The following RNF220 variants were observed in gnomAD, a reference collection of about 807,000 sequenced individuals.
The protein encoded by RNF220 is ring finger protein 220.
A neutral mutation model predicts 67.1 loss-of-function variants in RNF220; 7 were observed. The observed-to-expected ratio is 0.10, with a 90% CI of 0.06 to 0.20. The LOEUF (loss-of-function observed/expected upper bound fraction) is 0.20, where lower values mean the gene tolerates loss of function less well. RNF220 is among the 10% of genes least tolerant of loss of function. The probability of loss-of-function intolerance (pLI) is 1.00; values close to 1 mark genes in which losing one functional copy is unlikely to be tolerated. For missense variants in RNF220, 565 were observed against 740.3 expected (o/e 0.76, Z 2.75); for synonymous variants, 270 against 283.2 (o/e 0.95, Z 0.47).
chr1:44,607,162 A>T lies in RNF220; in HGVS notation c.626-7003A>T, dbSNP rs548532002. Among the ~76,000 whole-genome samples, 61 of 152,290 alleles carry T rather than the reference A, an allele frequency of 4.0e-4. 1 individual carries two copies. The highest frequency in any genetic ancestry group is 1.4e-3 in the African/African-American group (59 of 41,556). On this transcript the variant is annotated intron_variant, in intron 2 of 14. Coordinates refer to ENST00000361799, the MANE Select transcript of RNF220 (RefSeq NM_018150.4). Reference sequence around the variant, plus strand: ...GCAAGCCGCCATCGTCTCTCCCCTGAGTTAGTGAGATAACCTCCTAAACAG... The same window carrying T: ...GCAAGCCGCCATCGTCTCTCCCCTGTGTTAGTGAGATAACCTCCTAAACAG...
At chr1:44,551,154 G>A (rs1162097718) in intron 2 of RNF220, among the ~76,000 whole-genome samples, 2 of 119,944 alleles carry the variant, frequency 1.7e-5, no homozygotes, top group East Asian at 5.0e-4. Flanking sequence ...GCGCTCTGTC[G>A]CCCAGGCTGG....
intron 2 of RNF220, among the ~76,000 whole-genome samples, chr1:44,570,710 G>T (rs1352896071): frequency 6.6e-6 from 1 of 152,160 alleles, no homozygotes; most frequent in Non-Finnish European, 1.5e-5. Context: ...TTGTGCTATT[G>T]CAATCTTCCT....
chr1:44,450,372 A>T (rs1263948356), intron 2 of RNF220, among the ~76,000 whole-genome samples: 2 of 152,316 alleles, frequency 1.3e-5, no homozygotes, highest in South Asian at 2.1e-4. Flanking sequence ...TTGCAAAAAA[A>T]AAATAAATTA....
intron 2 of RNF220, among the ~76,000 whole-genome samples, chr1:44,604,204 G>A (rs570056654): frequency 6.6e-6 from 1 of 152,310 alleles, no homozygotes; most frequent in Admixed American, 6.5e-5. Flanking sequence ...GTGTGTGCCA[G>A]TGCCAGCACA....
intron 2 of RNF220, among the ~76,000 whole-genome samples, chr1:44,564,130 A>G (rs1663799676): frequency 6.6e-6 from 1 of 152,146 alleles, no homozygotes. Flanking sequence ...GAGTGGTGGG[A>G]GTAGGGGATG....
intron 2 of RNF220, among the ~76,000 whole-genome samples, chr1:44,543,545 G>C (rs978530886): frequency 6.6e-6 from 1 of 151,532 alleles, no homozygotes; most frequent in South Asian, 2.1e-4. Context: ...GGGAGAATGA[G>C]AGAGAGAGAG....
chr1:44,592,131 G>T (rs964006779), intron 2 of RNF220, among the ~76,000 whole-genome samples: 1 of 152,212 alleles, frequency 6.6e-6, no homozygotes, highest in African/African-American at 2.4e-5. Context: ...GGGAGAAACA[G>T]ACCAACAGAC....
At chr1:44,410,938 A>G (rs1327105835) in intron 1 of RNF220, among the ~76,000 whole-genome samples, 1 of 152,202 alleles carries the variant, frequency 6.6e-6, no homozygotes, top group Admixed American at 6.5e-5. Flanking sequence ...GAAAATGTAC[A>G]ACCTAAATTT....
chr1:44,607,518 G>A (rs1251295688), intron 2 of RNF220, among the ~76,000 whole-genome samples: 7 of 138,080 alleles, frequency 5.1e-5, no homozygotes, highest in African/African-American at 1.4e-4. Flanking sequence ...ACGGAGTCTC[G>A]CTTTGTCACC....
chr1:44,546,652 T>A (rs929417533), intron 2 of RNF220, among the ~76,000 whole-genome samples: 2 of 151,088 alleles, frequency 1.3e-5, no homozygotes, highest in Non-Finnish European at 3.0e-5. Flanking sequence ...CGAGATGGAG[T>A]GCTTGCTTCA....
intron 3 of RNF220, among the ~76,000 whole-genome samples, chr1:44,619,767 G>A (rs762956362): frequency 1.4e-4 from 21 of 152,176 alleles, no homozygotes; most frequent in Admixed American, 2.6e-4. Context: ...CTACAGCTGC[G>A]GACCTCAGAC....
chr1:44,451,874 C>T (rs565261442), intron 2 of RNF220, among the ~76,000 whole-genome samples: 2 of 152,340 alleles, frequency 1.3e-5, no homozygotes, highest in African/African-American at 4.8e-5. Flanking sequence ...CCACCTGGGC[C>T]TCCCAAAGTG....
chr1:44,481,553 C>T (rs540217152), intron 2 of RNF220, among the ~76,000 whole-genome samples: 5 of 151,992 alleles, frequency 3.3e-5, no homozygotes, highest in Admixed American at 6.6e-5. Flanking sequence ...GGAGGTTGAG[C>T]GGGGGGTACT....
chr1:44,441,550 G>A (rs1651555620), intron 2 of RNF220, among the ~76,000 whole-genome samples: 1 of 152,204 alleles, frequency 6.6e-6, no homozygotes. Context: ...CCTTGGAGAT[G>A]AGCAATATTC....
At chr1:44,406,663 C>T (rs1254002297) in intron 1 of RNF220, among the ~76,000 whole-genome samples, 1 of 152,206 alleles carries the variant, frequency 6.6e-6, no homozygotes, top group Admixed American at 6.5e-5. Flanking sequence ...CACCGCACTC[C>T]GGAGCCTCCG....
At chr1:44,548,053 A>G (rs1408576356) in intron 2 of RNF220, among the ~76,000 whole-genome samples, 1 of 152,012 alleles carries the variant, frequency 6.6e-6, no homozygotes, top group African/African-American at 2.4e-5. Flanking sequence ...CCAGGCCCTT[A>G]AGCCAGAATC....
chr1:44,619,138 G>T (rs779983609), intron 3 of RNF220, among the ~76,000 whole-genome samples: 1 of 152,232 alleles, frequency 6.6e-6, no homozygotes, highest in African/African-American at 2.4e-5. Context: ...CCTCAGGCAG[G>T]AGTTTCCATC....
chr1:44,634,547 A>G (rs1644268657), intron 6 of RNF220, among the ~76,000 whole-genome samples: 1 of 151,994 alleles, frequency 6.6e-6, no homozygotes, highest in Non-Finnish European at 1.5e-5. Context: ...GCTTTGGGGA[A>G]CCTTTCCCTC....
intron 8 of RNF220, 184 bp downstream of exon 8, chr1:44,636,346 G>A (rs568454437): frequency 1.1e-5 from 9 of 790,372 alleles, no homozygotes; most frequent in Non-Finnish European, 2.0e-5. Flanking sequence ...ATATTAAAAT[G>A]GATGTATTTG....
Sources: gnomAD v4.1 joint callset for allele counts (sites outside exome capture counted in the v4.1 genomes callset) on GRCh38, gnomAD v4.1.1 for gene constraint, MANE v1.5 for transcripts, NCBI Gene and HGNC (gene_info 2026-07-23, HGNC 2026-07-21) for gene names.